Variants in CSMD3 observed in about 807,000 individuals in gnomAD.
The protein encoded by CSMD3 is CUB and sushi domain-containing protein 3.
In CSMD3, 177 loss-of-function variants were observed where a neutral mutation model predicts 435.2. The ratio of observed to expected loss-of-function variants is 0.41; its 90% CI spans 0.36 to 0.46. The LOEUF (loss-of-function observed/expected upper bound fraction) is 0.46, where lower values mean the gene tolerates loss of function less well. Ranked by LOEUF, CSMD3 falls within the 20% of genes least tolerant of loss-of-function variation. The probability of loss-of-function intolerance (pLI) is 0.34; values close to 1 mark genes in which losing one functional copy is unlikely to be tolerated. For synonymous variants in CSMD3, 1,656 were observed against 1,520.5 expected, an observed-to-expected ratio of 1.09 and a Z score of -2.07; for missense variants, 4,265 against 4,504.6, an observed-to-expected ratio of 0.95 and a Z score of 1.52.
chr8:112,844,642 G>A (rs1018319043), intron 11 of CSMD3, among the ~76,000 whole-genome samples: 1 of 151,926 alleles, frequency 6.6e-6, no homozygotes, highest in African/African-American at 2.4e-5. Flanking sequence ...GGAATGGTAG[G>A]GTGGTGAGTT....
chr8:113,186,873 G>A (rs944854415), intron 3 of CSMD3, among the ~76,000 whole-genome samples: 1 of 151,928 alleles, frequency 6.6e-6, no homozygotes, highest in Non-Finnish European at 1.5e-5. Context: ...TTTGCCATGA[G>A]TCCGAGTAAA....
At chr8:112,616,852 A>G (rs1285572197) in intron 22 of CSMD3, among the ~76,000 whole-genome samples, 2 of 152,210 alleles carry the variant, frequency 1.3e-5, no homozygotes, top group African/African-American at 4.8e-5. Flanking sequence ...ATTCTGAATT[A>G]CAGCCAAGCA....
chr8:112,489,786 T>C (rs963307765), intron 31 of CSMD3, among the ~76,000 whole-genome samples: 1 of 152,156 alleles, frequency 6.6e-6, no homozygotes, highest in Non-Finnish European at 1.5e-5. Flanking sequence ...ATCATAAACT[T>C]ATCTTGAACT....
chr8:112,676,676 T>C (rs1441395257), intron 16 of CSMD3, among the ~76,000 whole-genome samples: 1 of 152,134 alleles, frequency 6.6e-6, no homozygotes, highest in African/African-American at 2.4e-5. Context: ...CATTCACCAA[T>C]GAATAATAAA....
chr8:112,736,811 A>G (rs1306819607), intron 13 of CSMD3, among the ~76,000 whole-genome samples: 1 of 152,074 alleles, frequency 6.6e-6, no homozygotes, highest in East Asian at 1.9e-4. Context: ...GAATCACTCA[A>G]TCGATTAATA....
intron 13 of CSMD3, among the ~76,000 whole-genome samples, chr8:112,774,720 T>G (rs1246799357): frequency 6.6e-6 from 1 of 152,006 alleles, no homozygotes; most frequent in African/African-American, 2.4e-5. Context: ...CTTCAGATTC[T>G]ATTGGCTTTA....
At chr8:113,094,512 C>G (rs1362412029) in intron 5 of CSMD3, among the ~76,000 whole-genome samples, 3 of 152,142 alleles carry the variant, frequency 2.0e-5, no homozygotes, top group African/African-American at 7.2e-5. Context: ...AGTATTAACT[C>G]TGCCAATAAA....
At chr8:113,360,306 G>A (rs188490959) in intron 1 of CSMD3, among the ~76,000 whole-genome samples, 2 of 152,124 alleles carry the variant, frequency 1.3e-5, no homozygotes, top group South Asian at 4.2e-4. Context: ...CTTTGAGCTT[G>A]TTCCCTAGCC....
At chr8:112,703,965 A>C (rs189166183) in intron 13 of CSMD3, among the ~76,000 whole-genome samples, 1 of 152,236 alleles carries the variant, frequency 6.6e-6, no homozygotes, top group East Asian at 1.9e-4. Context: ...AAAATGCCTC[A>C]GATTGAGTAC....
chr8:113,142,262 C>A (rs73342281), intron 4 of CSMD3, among the ~76,000 whole-genome samples: 2 of 151,084 alleles, frequency 1.3e-5, no homozygotes, highest in African/African-American at 2.4e-5. Context: ...TAGACATAGA[C>A]AAACTTAATC....
chr8:113,427,768 A>G (rs1411446462), intron 1 of CSMD3, among the ~76,000 whole-genome samples: 1 of 151,660 alleles, frequency 6.6e-6, no homozygotes, highest in Non-Finnish European at 1.5e-5. Context: ...CTGCCTAGTA[A>G]ACACTAGATT....
At chr8:112,326,574 C>T (rs184909038) in intron 45 of CSMD3, among the ~76,000 whole-genome samples, 14 of 152,320 alleles carry the variant, frequency 9.2e-5, no homozygotes, top group Non-Finnish European at 1.8e-4. Flanking sequence ...CAAATATTGG[C>T]ATCAGCATTT....
chr8:113,094,967 A>G (rs2090119547), intron 5 of CSMD3, among the ~76,000 whole-genome samples: 1 of 151,976 alleles, frequency 6.6e-6, no homozygotes, highest in Non-Finnish European at 1.5e-5. Flanking sequence ...GCTACTCGGG[A>G]GGCTGAGGCA....
intron 4 of CSMD3, among the ~76,000 whole-genome samples, chr8:113,106,641 G>A (rs1460528887): frequency 6.6e-6 from 1 of 152,118 alleles, no homozygotes; most frequent in Non-Finnish European, 1.5e-5. Context: ...ATCTTGATGT[G>A]GTAGAGACGA....
At chr8:112,506,238 C>T (rs896760) in intron 29 of CSMD3, among the ~76,000 whole-genome samples, 39,917 of 151,816 alleles carry the variant, frequency 0.26, 5,513 homozygotes, top group East Asian at 0.47. Flanking sequence ...GGCCTCAGTA[C>T]GTTAGAAAAT....
chr8:112,554,954 T>G (rs1037937599), intron 25 of CSMD3, among the ~76,000 whole-genome samples: 1 of 151,964 alleles, frequency 6.6e-6, no homozygotes, highest in Admixed American at 6.6e-5. Flanking sequence ...ATAGGCCAAG[T>G]GTTAAAGCTA....
intron 13 of CSMD3, among the ~76,000 whole-genome samples, chr8:112,766,717 G>A (rs1563940065): frequency 6.6e-6 from 1 of 151,732 alleles, no homozygotes; most frequent in Admixed American, 6.6e-5. Flanking sequence ...TTGATAGTTG[G>A]CCACTTTGCT....
intron 3 of CSMD3, among the ~76,000 whole-genome samples, chr8:113,233,927 T>G (rs1282454171): frequency 6.6e-6 from 1 of 151,978 alleles, no homozygotes; most frequent in Non-Finnish European, 1.5e-5. Flanking sequence ...TAGCCAGAAT[T>G]TCCACATTTT....
intron 13 of CSMD3, among the ~76,000 whole-genome samples, chr8:112,786,332 C>G (rs780878888): frequency 1.3e-5 from 2 of 151,958 alleles, no homozygotes; most frequent in Non-Finnish European, 2.9e-5. Flanking sequence ...AAAGGAAACA[C>G]TGGGGAAACT....
Sources: allele counts gnomAD v4.1 joint callset (sites outside exome capture counted in the v4.1 genomes callset), GRCh38; gene constraint gnomAD v4.1.1; transcripts MANE v1.5; gene names NCBI Gene and HGNC (gene_info 2026-07-23, HGNC 2026-07-21).